ATP13A4: variants seen among roughly 807,000 people sequenced by gnomAD.
ATP13A4 encodes probable cation-transporting ATPase 13A4.
A neutral mutation model predicts 142.5 loss-of-function variants in ATP13A4; 114 were observed. The ratio of observed to expected loss-of-function variants is 0.80; its 90% CI spans 0.69 to 0.93. The LOEUF (loss-of-function observed/expected upper bound fraction) is 0.93, where lower values mean the gene tolerates loss of function less well. Ranked by LOEUF, ATP13A4 falls within the 40% of genes least tolerant of loss-of-function variation. The pLI is 0.00. For missense variants in ATP13A4, 1,392 were observed against 1,454.0 expected, an observed-to-expected ratio of 0.96 and a Z score of 0.69; for synonymous variants, 488 against 514.8, an observed-to-expected ratio of 0.95 and a Z score of 0.70.
At chr3:193,440,509 T>C (rs1428639321) in intron 21 of ATP13A4, 49 bp downstream of exon 21, 2 of 1,612,108 alleles carry the variant, frequency 1.2e-6, no homozygotes, top group Non-Finnish European at 1.7e-6. Context: ...TCCCCCTGAC[T>C]GTTATGCCTC....
rs150657625 is a variant in ATP13A4 at position 193,550,573 on chromosome 3, C to T, written c.60+4167G>A. On this transcript the variant is annotated intron_variant, in intron 1 of 29. Coordinates refer to ENST00000342695, the MANE Select transcript of ATP13A4 (RefSeq NM_032279.4). ...TGCACGCCTCAGCCTCCCAAAGTGC[C>T]GGGATTACAGGCTTGAGCCATGGCG... Among the ~76,000 whole-genome samples, 485 of 152,164 alleles carry T rather than the reference C, an allele frequency of 3.2e-3. 1 individual carries two copies. Among genetic ancestry groups the T allele is most frequent in the African/African-American group, 0.011 (463 of 41,538 alleles).
chr3:193,453,300 G>A (rs1717391320), intron 17 of ATP13A4, among the ~76,000 whole-genome samples: 1 of 152,112 alleles, frequency 6.6e-6, no homozygotes, highest in African/African-American at 2.4e-5. Flanking sequence ...TTACAAGAGA[G>A]TGTTGACTCT....
At chr3:193,464,827 G>T in intron 12 of ATP13A4, 113 bp downstream of exon 12, 1 of 1,156,198 alleles carries the variant, frequency 8.6e-7, no homozygotes, top group Non-Finnish European at 1.3e-6. Flanking sequence ...GGGATAAAAT[G>T]AAGACAGGCA....
intron 29 of ATP13A4, among the ~76,000 whole-genome samples, chr3:193,403,154 T>A (rs915372896): frequency 1.3e-5 from 2 of 152,224 alleles, no homozygotes; most frequent in African/African-American, 4.8e-5. Flanking sequence ...GAATCTCACA[T>A]CTAAATTGAA....
intron 2 of ATP13A4, among the ~76,000 whole-genome samples, chr3:193,576,249 CTTTTTT>C (rs59910562): frequency 1.6e-3 from 89 of 54,364 alleles, no homozygotes; most frequent in African/African-American, 5.3e-3. Context: ...TTGAATCAAT[CTTTTTT>C]TTTTTTTTTT....
chr3:193,419,167 C>A (rs1715277733), intron 25 of ATP13A4, among the ~76,000 whole-genome samples: 1 of 150,144 alleles, frequency 6.7e-6, no homozygotes. Context: ...GCTCCAACTA[C>A]TCCTCTTAGT....
intron 2 of ATP13A4, among the ~76,000 whole-genome samples, chr3:193,564,112 A>G (rs1724082291): frequency 6.6e-6 from 1 of 152,240 alleles, no homozygotes; most frequent in Non-Finnish European, 1.5e-5. Context: ...GTATCAGCCT[A>G]TCAGAACAAG....
chr3:193,467,590 A>C, intron 9 of ATP13A4, 104 bp from the exon 10 acceptor site: 1 of 1,196,834 alleles, frequency 8.4e-7, no homozygotes, highest in South Asian at 1.2e-5. Context: ...TTGTGAGCCT[A>C]CCATGTGGCA....
At chr3:193,525,326 G>C (rs1270655676) in intron 1 of ATP13A4, among the ~76,000 whole-genome samples, 1 of 152,168 alleles carries the variant, frequency 6.6e-6, no homozygotes, top group Non-Finnish European at 1.5e-5. Flanking sequence ...AGGACATACA[G>C]AGAGAAATCA....
chr3:193,448,123 T>C (rs1717060783), intron 18 of ATP13A4, 83 bp downstream of exon 18: 3 of 1,574,526 alleles, frequency 1.9e-6, no homozygotes, highest in Non-Finnish European at 2.6e-6. Context: ...GAGTAGGTAG[T>C]CAACAACATT....
At position 193,554,884 on chromosome 3, in the gene ATP13A4, C is replaced by T. The variant is rs1723822180; in HGVS notation, c.-85G>A. Reference sequence around the variant, plus strand: ...TCCAACTCGCCGAGCCACCGCAGCTCCTCAGCTGACTAAAAGAGTTAATGA... The same window carrying T: ...TCCAACTCGCCGAGCCACCGCAGCTTCTCAGCTGACTAAAAGAGTTAATGA... On this transcript the variant is annotated 5_prime_UTR_variant, in exon 1 of 30. Transcript: ENST00000342695. 6.2e-7 allele frequency: 1 copy of T among 1,612,362 alleles called. No individual in the cohort carries two copies. Among genetic ancestry groups the T allele is most frequent in the South Asian group, 1.1e-5 (1 of 90,990 alleles).
intron 1 of ATP13A4, among the ~76,000 whole-genome samples, chr3:193,528,688 C>T (rs968634480): frequency 6.6e-6 from 1 of 152,072 alleles, no homozygotes; most frequent in African/African-American, 2.4e-5. Flanking sequence ...TTTTTTAATG[C>T]TCTTATTACT....
intron 2 of ATP13A4, among the ~76,000 whole-genome samples, chr3:193,568,517 C>T (rs781400337): frequency 1.3e-5 from 2 of 152,188 alleles, no homozygotes; most frequent in Admixed American, 6.5e-5. Context: ...ATGTGCGAGG[C>T]TGTGAAGGTT....
chr3:193,462,027 G>A (rs1430250056), intron 13 of ATP13A4, among the ~76,000 whole-genome samples: 1 of 152,086 alleles, frequency 6.6e-6, no homozygotes, highest in Non-Finnish European at 1.5e-5. Context: ...TTTGAGACCA[G>A]CCTGGCCAAC....
intron 2 of ATP13A4, among the ~76,000 whole-genome samples, chr3:193,562,413 A>G (rs1351003468): frequency 6.6e-6 from 1 of 152,230 alleles, no homozygotes; most frequent in Admixed American, 6.5e-5. Context: ...TGCATTCATC[A>G]GGCATTTTTG....
chr3:193,450,307 A>G (rs900329813), intron 17 of ATP13A4, among the ~76,000 whole-genome samples: 2 of 152,172 alleles, frequency 1.3e-5, no homozygotes, highest in African/African-American at 4.8e-5. Context: ...GCGGTGCCCA[A>G]CACACAGCAA....
At chr3:193,541,198 G>C (rs968158688) in intron 1 of ATP13A4, among the ~76,000 whole-genome samples, 2 of 140,528 alleles carry the variant, frequency 1.4e-5, no homozygotes, top group Non-Finnish European at 3.0e-5. Flanking sequence ...GCAGTGAGCC[G>C]AGATCGAGCC....
chr3:193,549,007 A>T (rs1372496925), intron 1 of ATP13A4, among the ~76,000 whole-genome samples: 1 of 152,248 alleles, frequency 6.6e-6, no homozygotes, highest in Non-Finnish European at 1.5e-5. Context: ...GAAATGTAAA[A>T]ATAATACAAC....
intron 1 of ATP13A4, among the ~76,000 whole-genome samples, chr3:193,541,674 C>A (rs1722939657): frequency 6.6e-6 from 1 of 152,170 alleles, no homozygotes; most frequent in African/African-American, 2.4e-5. Context: ...ATTCTTCTGG[C>A]AAACTACACC....
Sources: allele counts gnomAD v4.1 joint callset (sites outside exome capture counted in the v4.1 genomes callset), GRCh38; gene constraint gnomAD v4.1.1; transcripts MANE v1.5; gene names NCBI Gene and HGNC (gene_info 2026-07-23, HGNC 2026-07-21).